Variants in CBFB observed in about 807,000 individuals in gnomAD.
CBFB encodes the protein CBF-beta.
In CBFB, 9 loss-of-function variants were observed where a neutral mutation model predicts 30.4. That is an observed-to-expected ratio of 0.30 (90% CI 0.18 to 0.52). CBFB has a LOEUF of 0.52. CBFB is among the 20% of genes least tolerant of loss of function. The pLI is 0.97. For synonymous variants in CBFB, 94 were observed against 84.0 expected, an observed-to-expected ratio of 1.12 and a Z score of -0.65; for missense variants, 170 against 244.0, an observed-to-expected ratio of 0.70 and a Z score of 2.02.
At chr16:67,087,484 G>A (rs897277327) in intron 5 of CBFB, among the ~76,000 whole-genome samples, 4 of 152,178 alleles carry the variant, frequency 2.6e-5, no homozygotes, top group African/African-American at 9.7e-5. Flanking sequence ...GAGCCCAGGA[G>A]GTCAAGGCTG....
intron 5 of CBFB, among the ~76,000 whole-genome samples, chr16:67,095,293 C>T (rs1329149671): frequency 2.1e-5 from 3 of 144,760 alleles, no homozygotes; most frequent in Middle Eastern, 3.6e-3. Flanking sequence ...CTGAGGTGGG[C>T]TGATCACGAG....
intron 4 of CBFB, among the ~76,000 whole-genome samples, chr16:67,074,526 G>A (rs981651192): frequency 6.6e-6 from 1 of 151,930 alleles, no homozygotes; most frequent in Non-Finnish European, 1.5e-5. Context: ...GGGACTACAG[G>A]CACGTGCCAT....
chr16:67,054,671 T>A (rs1395491000), intron 3 of CBFB, among the ~76,000 whole-genome samples: 1 of 152,188 alleles, frequency 6.6e-6, no homozygotes, highest in African/African-American at 2.4e-5. Context: ...CTTTTTGGTC[T>A]ACCTTCCAGA....
At chr16:67,078,957 G>A (rs181228195) in intron 4 of CBFB, among the ~76,000 whole-genome samples, 1 of 152,224 alleles carries the variant, frequency 6.6e-6, no homozygotes, top group East Asian at 1.9e-4. Flanking sequence ...ACCGCACCAG[G>A]CCCACAGTTT....
At position 67,071,384 on chromosome 16, in the gene CBFB, G is replaced by A. The variant is rs56829873; in HGVS notation, c.399+4586G>A. On this transcript the variant is annotated intron_variant, in intron 4 of 5. Transcript: ENST00000412916. ...GGCGTAAGAGTGGGGCTCTGATCCA[G>A]TAGGGTTAGTGTCCTTAAGAGACAG... Among the ~76,000 whole-genome samples, 1,454 of 152,210 alleles carry A rather than the reference G, an allele frequency of 9.6e-3. 24 individuals carry two copies. The highest frequency in any genetic ancestry group is 0.032 in the African/African-American group (1,347 of 41,516).
At chr16:67,034,664 A>G (rs1417520298) in intron 2 of CBFB, among the ~76,000 whole-genome samples, 1 of 152,178 alleles carries the variant, frequency 6.6e-6, no homozygotes, top group Non-Finnish European at 1.5e-5. Context: ...AGATGAGGTA[A>G]TACGATCTGC....
rs1962179613 is a variant in CBFB, at chr16:67,100,227, A to C, written c.*1449A>C. ...TTATTTTAAAGGGTGAAAAACTGAC[A>C]CAGTCAATTCAGAAAATGGACTGAA... On this transcript the variant is annotated 3_prime_UTR_variant, in exon 6 of 6. Transcript: ENST00000412916. The C allele has an allele frequency of 1.4e-5, 3 of 217,298 alleles. No individual in the cohort carries two copies. The Admixed American group carries it at 1.7e-4, about 13-fold the overall frequency. The allele number at this position is 217,298 out of a possible 1,614,324, so 13.5% of individuals were successfully genotyped here.
At chr16:67,041,830 A>T (rs1160405956) in intron 3 of CBFB, among the ~76,000 whole-genome samples, 3 of 140,358 alleles carry the variant, frequency 2.1e-5, no homozygotes, top group African/African-American at 8.2e-5. Flanking sequence ...GCTGGAGTGC[A>T]GTGGTGCAAT....
At chr16:67,097,698 T>C (rs9932319) in intron 5 of CBFB, among the ~76,000 whole-genome samples, 39,399 of 152,180 alleles carry the variant, frequency 0.26, 11,106 homozygotes, top group African/African-American at 0.71. Context: ...TTCTCTGTGA[T>C]TCAGTTTTTT....
intron 3 of CBFB, among the ~76,000 whole-genome samples, chr16:67,059,659 T>C (rs543479378): frequency 6.6e-6 from 1 of 152,352 alleles, no homozygotes; most frequent in Admixed American, 6.5e-5. Flanking sequence ...TTCAGGTTTC[T>C]TCACTGGCTG....
intron 3 of CBFB, among the ~76,000 whole-genome samples, chr16:67,056,684 CTTT>C (rs563093554): frequency 3.7e-5 from 5 of 135,078 alleles, no homozygotes; most frequent in Admixed American, 7.4e-5. Context: ...TTCTAGCAGG[CTTT>C]TTTTTTTTTT....
intron 1 of CBFB, 71 bp downstream of exon 1, chr16:67,029,556 G>T: frequency 6.8e-7 from 1 of 1,473,874 alleles, no homozygotes; most frequent in South Asian, 1.2e-5. Flanking sequence ...GAAAAGTTTG[G>T]GCGGCACGGT....
chr16:67,082,893 A>G (rs1261538362), intron 5 of CBFB, among the ~76,000 whole-genome samples: 3 of 152,128 alleles, frequency 2.0e-5, no homozygotes, highest in African/African-American at 7.2e-5. Context: ...CTTAGGATAC[A>G]TTTTTTAAAA....
intron 3 of CBFB, among the ~76,000 whole-genome samples, chr16:67,038,140 G>T (rs949495017): frequency 2.0e-5 from 3 of 151,790 alleles, no homozygotes; most frequent in African/African-American, 7.3e-5. Flanking sequence ...TGTTTGTTTT[G>T]CAGTGTGTTT....
At chr16:67,034,609 AG>A (rs1435497850) in intron 2 of CBFB, among the ~76,000 whole-genome samples, 1 of 152,210 alleles carries the variant, frequency 6.6e-6, no homozygotes, top group African/African-American at 2.4e-5. Context: ...ATGGACATAT[AG>A]TGATGAAGCA....
intron 1 of CBFB, 107 bp from the exon 2 acceptor site, chr16:67,029,620 C>A: frequency 7.6e-7 from 1 of 1,309,588 alleles, no homozygotes; most frequent in Non-Finnish European, 1.1e-6. Context: ...CCGGGGCGGC[C>A]ATCGCCCGCA....
At chr16:67,066,611 A>AATAT (rs1366990828) in intron 3 of CBFB, 71 bp from the exon 4 acceptor site, 4 of 788,624 alleles carry the variant, frequency 5.1e-6, no homozygotes, top group Non-Finnish European at 8.6e-6. Context: ...AGTTTATATA[A>AATAT]GTAAGTTTAA....
chr16:67,055,101 G>T (rs1396565747), intron 3 of CBFB, among the ~76,000 whole-genome samples: 1 of 151,998 alleles, frequency 6.6e-6, no homozygotes, highest in Non-Finnish European at 1.5e-5. Flanking sequence ...GGAAATGGCT[G>T]CAACTGAAGG....
chr16:67,032,030 A>T (rs544034605), intron 2 of CBFB, among the ~76,000 whole-genome samples: 21 of 152,152 alleles, frequency 1.4e-4, no homozygotes, highest in Admixed American at 8.5e-4. Flanking sequence ...TGAAAGCTGA[A>T]TTTTTTTGGA....
Sources: allele counts gnomAD v4.1 joint callset (sites outside exome capture counted in the v4.1 genomes callset), GRCh38; gene constraint gnomAD v4.1.1; transcripts MANE v1.5; gene names NCBI Gene and HGNC (gene_info 2026-07-23, HGNC 2026-07-21).